EPB41L1: variants seen among roughly 807,000 people sequenced by gnomAD.
EPB41L1 encodes erythrocyte membrane protein band 4.1 like 1.
In EPB41L1, 29 loss-of-function variants were observed where a neutral mutation model predicts 97.8. The ratio of observed to expected loss-of-function variants is 0.30; its 90% CI spans 0.22 to 0.40. EPB41L1 has a LOEUF of 0.40. EPB41L1 is among the 10% of genes least tolerant of loss of function. The pLI, the probability that EPB41L1 is intolerant of heterozygous loss-of-function variation, is 1.00. For synonymous variants in EPB41L1, 383 were observed against 459.2 expected, an observed-to-expected ratio of 0.83 and a Z score of 2.12; for missense variants, 812 against 1,162.3, an observed-to-expected ratio of 0.70 and a Z score of 4.38.
chr20:36,108,492 T>C (rs902552165), intron 1 of EPB41L1, among the ~76,000 whole-genome samples: 1 of 206 alleles, frequency 4.9e-3, no homozygotes, highest in Admixed American at 0.083. Flanking sequence ...CTGGGCAACA[T>C]GGGGAAACCT....
At chr20:36,174,625 A>G (rs1299622541) in intron 2 of EPB41L1, among the ~76,000 whole-genome samples, 1 of 150,266 alleles carries the variant, frequency 6.7e-6, no homozygotes, top group African/African-American at 2.5e-5. Flanking sequence ...TATGCTGCCT[A>G]GACTGGTCTC....
chr20:36,180,857 C>G (rs2061443962), intron 5 of EPB41L1, among the ~76,000 whole-genome samples: 1 of 152,140 alleles, frequency 6.6e-6, no homozygotes, highest in Non-Finnish European at 1.5e-5. Flanking sequence ...GCTGCTCTTT[C>G]CAAGGAGTCG....
At chr20:36,118,088 G>A (rs2058641443) in intron 2 of EPB41L1, among the ~76,000 whole-genome samples, 1 of 152,242 alleles carries the variant, frequency 6.6e-6, no homozygotes, top group Non-Finnish European at 1.5e-5. Flanking sequence ...ACTGAGGCAA[G>A]GGTCAGCACA....
intron 16 of EPB41L1, among the ~76,000 whole-genome samples, chr20:36,214,111 A>G (rs1403819628): frequency 6.6e-6 from 1 of 152,192 alleles, no homozygotes; most frequent in Non-Finnish European, 1.5e-5. Flanking sequence ...GTCAAAGATT[A>G]CACGCATTGC....
chr20:36,219,014 G>A lies in EPB41L1; in HGVS notation c.2355+52G>A, dbSNP rs989205339. On this transcript the variant is annotated intron_variant, in intron 18 of 21. Transcript: ENST00000338074. ...AGGGGACTCCACACTGAGAATATGG[G>A]CATGGACCCATGTATGGCTGGCAGG... 4 of 1,574,134 alleles carry A rather than the reference G, an allele frequency of 2.5e-6. No individual in the cohort carries two copies. The East Asian group carries it at 6.8e-5, about 27-fold the overall frequency.
chr20:36,174,366 G>T (rs1465878573), intron 2 of EPB41L1, among the ~76,000 whole-genome samples: 1 of 151,714 alleles, frequency 6.6e-6, no homozygotes, highest in Admixed American at 6.6e-5. Context: ...TCTGCCGCCC[G>T]GGTTCAAGCA....
rs1354465513 is a variant in EPB41L1, at chr20:36,183,779, G to A, written c.567-1338G>A. Among the ~76,000 whole-genome samples, 6 of 152,346 alleles carry A rather than the reference G, an allele frequency of 3.9e-5. 1 individual carries two copies. In the East Asian group the frequency reaches 1.2e-3, roughly 29 times the overall value. ...AGACTTTTGAACAGAATGCCCATAA[G>A]CCTGTACTCGGTGCCTGTGATGTTT... On this transcript the variant is annotated intron_variant, in intron 6 of 21. Coordinates refer to ENST00000338074, the MANE Select transcript of EPB41L1 (RefSeq NM_012156.2).
At chr20:36,147,290 G>T (rs150664768) in intron 2 of EPB41L1, among the ~76,000 whole-genome samples, 7 of 152,180 alleles carry the variant, frequency 4.6e-5, no homozygotes, top group African/African-American at 1.7e-4. Context: ...ATTAAAAAAA[G>T]GAAACTTTAT....
chr20:36,172,330 C>T (rs964551721), intron 1 of EPB41L1, among the ~76,000 whole-genome samples: 4 of 152,134 alleles, frequency 2.6e-5, no homozygotes, highest in East Asian at 1.9e-4. Flanking sequence ...CTGCCTGCCT[C>T]GGCCTCCCAA....
intron 2 of EPB41L1, among the ~76,000 whole-genome samples, chr20:36,119,533 G>A (rs148079708): frequency 1.2e-4 from 19 of 152,202 alleles, no homozygotes; most frequent in African/African-American, 3.6e-4. Context: ...ACCTGGTAGG[G>A]TTGCAGAGAG....
intron 15 of EPB41L1, among the ~76,000 whole-genome samples, chr20:36,211,331 A>G (rs2063118308): frequency 6.6e-6 from 1 of 152,068 alleles, no homozygotes; most frequent in Non-Finnish European, 1.5e-5. Flanking sequence ...CAGTGAGCTG[A>G]GATCACGCCA....
chr20:36,218,656 T>C (rs2063583418), intron 17 of EPB41L1, among the ~76,000 whole-genome samples: 2 of 152,220 alleles, frequency 1.3e-5, no homozygotes, highest in Admixed American at 1.3e-4. Context: ...AGTCTGTAAA[T>C]GTTTGTTGAA....
intron 21 of EPB41L1, among the ~76,000 whole-genome samples, chr20:36,227,955 A>G (rs1038929525): frequency 6.6e-6 from 1 of 152,122 alleles, no homozygotes; most frequent in Non-Finnish European, 1.5e-5. Flanking sequence ...TAGCTTCCTA[A>G]CCTTCCAAAA....
chr20:36,152,383 G>C (rs2060091625), upstream of EPB41L1: 1 of 153,376 alleles, frequency 6.5e-6, no homozygotes, highest in Admixed American at 6.5e-5. Context: ...AAAGTGAGAG[G>C]CTCCATCTGG....
chr20:36,213,721 T>C (rs1031920523), intron 16 of EPB41L1, among the ~76,000 whole-genome samples: 1 of 152,154 alleles, frequency 6.6e-6, no homozygotes. Context: ...TTTATAGTTA[T>C]ACAATTCAAG....
At chr20:36,119,908 C>T (rs761046753) in intron 2 of EPB41L1, among the ~76,000 whole-genome samples, 20 of 152,134 alleles carry the variant, frequency 1.3e-4, no homozygotes, top group Non-Finnish European at 1.8e-4. Context: ...TGCCCGCCCT[C>T]CTCCTCTGTA....
intron 1 of EPB41L1, among the ~76,000 whole-genome samples, chr20:36,101,686 C>T (rs961877137): frequency 6.6e-6 from 1 of 152,132 alleles, no homozygotes; most frequent in African/African-American, 2.4e-5. Context: ...CTAAGAGCAA[C>T]AAAGGTGAGC....
At chr20:36,111,298 G>A (rs2058392931) in intron 1 of EPB41L1, among the ~76,000 whole-genome samples, 1 of 152,220 alleles carries the variant, frequency 6.6e-6, no homozygotes. Context: ...TTTACATGAA[G>A]TAGGAACACC....
chr20:36,098,523 C>T (rs2057907272), intron 1 of EPB41L1, among the ~76,000 whole-genome samples: 1 of 152,208 alleles, frequency 6.6e-6, no homozygotes, highest in Non-Finnish European at 1.5e-5. Context: ...TGGCTTGCAG[C>T]TGCATCTGCC....
Sources: gnomAD v4.1 joint callset for allele counts (sites outside exome capture counted in the v4.1 genomes callset) on GRCh38, gnomAD v4.1.1 for gene constraint, MANE v1.5 for transcripts, NCBI Gene and HGNC (gene_info 2026-07-23, HGNC 2026-07-21) for gene names.